Variants in CCNYL1 observed in about 807,000 individuals in gnomAD.
CCNYL1 encodes cyclin-Y-like protein 1.
Under a neutral mutation model 44.2 loss-of-function variants are expected in CCNYL1, and 16 were observed. That is an observed-to-expected ratio of 0.36 (90% CI 0.25 to 0.55). The LOEUF (loss-of-function observed/expected upper bound fraction) is 0.55, where lower values mean the gene tolerates loss of function less well. Among genes scored for constraint, CCNYL1 ranks in the 20% least tolerant of loss-of-function variants. The pLI is 0.85. For missense variants in CCNYL1, 348 were observed against 451.8 expected (o/e 0.77, Z 2.08); for synonymous variants, 159 against 163.2 (o/e 0.97, Z 0.20).
chr2:207,756,124 T>C lies in CCNYL1; in HGVS notation c.*2426T>C, dbSNP rs2091930030. The C allele has an allele frequency of 6.6e-6, 1 of 152,144 alleles. No homozygotes were observed. Among genetic ancestry groups the C allele is most frequent in the African/African-American group, 2.4e-5 (1 of 41,388 alleles). 9.4% of individuals were successfully genotyped at this position (152,144 alleles called of 1,614,324 possible). ...AAAGAATGCTACAATTTATGTGGTT[T>C]TTATTTCTCATGTTTATATTAAAAG... is the stretch of plus-strand genomic sequence containing the variant. On this transcript the variant is annotated 3_prime_UTR_variant, in exon 10 of 10. Coordinates refer to ENST00000295414, the MANE Select transcript of CCNYL1 (RefSeq NM_001330218.2).
In CCNYL1 at chr2:207,711,867, GGCGGTGGCAGAGAGGA is replaced by G; in HGVS notation, c.-25_-10del. On this transcript the variant is annotated 5_prime_UTR_variant, in exon 1 of 10. Transcript: ENST00000295414. ...GGCGGCGGAGTAGGGGGCGAGCGAA[GGCGGTGGCAGAGAGGA>G]GCGGAGGCTTCCCATGGGGAACACG... 5 of 1,346,934 alleles carry G rather than the reference GGCGGTGGCAGAGAGGA, an allele frequency of 3.7e-6. No individual in the cohort carries two copies. The highest frequency in any genetic ancestry group is 4.8e-6 in the Non-Finnish European group (5 of 1,040,250). 83.4% of individuals were successfully genotyped at this position (1,346,934 alleles called of 1,614,324 possible). A position where few individuals can be genotyped will look rare whatever the true frequency, so the allele number is the denominator to read the frequency against.
intron 4 of CCNYL1, among the ~76,000 whole-genome samples, chr2:207,734,427 C>T (rs143002416): frequency 9.1e-4 from 138 of 152,348 alleles, no homozygotes; most frequent in African/African-American, 3.1e-3. Flanking sequence ...GCTTTGCAAA[C>T]TACTCTTGGA....
Position 207,733,992 on chromosome 2 carries a change from A to G in CCNYL1, c.376A>G (p.Ile126Val), listed in dbSNP as rs371230375. 8 of 1,613,830 alleles carry G rather than the reference A, an allele frequency of 5.0e-6. No individual in the cohort carries two copies. The highest frequency in any genetic ancestry group is 5.9e-6 in the Non-Finnish European group (7 of 1,179,790). ...LTKKYSSCST[I>V]FLDDSTVSQP... ...TAAAAAGTATAGCTCATGCTCAACAATATTTCTAGATGACAGCACAGTCAG... is the reference window on the plus strand; with the variant it reads ...TAAAAAGTATAGCTCATGCTCAACAGTATTTCTAGATGACAGCACAGTCAG... The change falls in exon 4 of 10, where the codon ATA (isoleucine) becomes GTA (valine). Residue 126 changes from isoleucine to valine, a missense_variant. Physicochemically the swap from Ile to Val is conservative, Grantham distance 29 (BLOSUM62 3). This residue lies in a region of CCNYL1 where 209 missense variants were observed against 247.7 expected (regional missense o/e 0.84). Transcript: ENST00000295414.
intron 1 of CCNYL1, among the ~76,000 whole-genome samples, chr2:207,722,433 A>G (rs2091647433): frequency 1.3e-5 from 2 of 152,062 alleles, no homozygotes; most frequent in Non-Finnish European, 2.9e-5. Flanking sequence ...ATTTAAATAC[A>G]TAGTAGCACA....
Position 207,753,694 on chromosome 2 carries a change from C to G in CCNYL1, c.1076C>G (p.Ser359Cys). 6.2e-7 allele frequency: 1 copy of G among 1,600,914 alleles called. No individual in the cohort carries two copies. The highest frequency in any genetic ancestry group is 8.6e-7 in the Non-Finnish European group (1 of 1,169,320). The change falls in exon 10 of 10, where the codon TCT (serine) becomes TGT (cysteine). Residue 359 changes from serine to cysteine, a missense_variant. Around this residue, in one of 3 missense-constraint regions of CCNYL1, gnomAD observed 94 missense variants for 102.4 expected, o/e 0.92. Coordinates refer to ENST00000295414, the MANE Select transcript of CCNYL1 (RefSeq NM_001330218.2). ...ATTCAGCGCTCTAAAGCCATCCTCT[C>G]TTAAAAGGAGAAATGAGGGGTTATA... ...IGIQRSKAIL[S>C] is the part of the protein sequence containing the mutation.
chr2:207,724,227 G>A (rs1260086708), intron 1 of CCNYL1, among the ~76,000 whole-genome samples: 6 of 152,180 alleles, frequency 3.9e-5, no homozygotes, highest in South Asian at 4.1e-4. Context: ...TTAGAACACA[G>A]AACTTCCATT....
rs1473316427 is a variant in CCNYL1, at chr2:207,755,834, T to C, written c.*2136T>C. On this transcript the variant is annotated 3_prime_UTR_variant, in exon 10 of 10. Transcript: ENST00000295414. ...AAGAAGAGGTTAGTGTTCTCAACTATGTGAAATCTGTTTCTCCTACTTTCT... is the reference window on the plus strand; with the variant it reads ...AAGAAGAGGTTAGTGTTCTCAACTACGTGAAATCTGTTTCTCCTACTTTCT... 6.6e-6 allele frequency: 1 copy of C among 152,224 alleles called. No homozygotes were observed. Among genetic ancestry groups the C allele is most frequent in the Non-Finnish European group, 1.5e-5 (1 of 68,032 alleles). 9.4% of individuals were successfully genotyped at this position (152,224 alleles called of 1,614,324 possible).
intron 3 of CCNYL1, among the ~76,000 whole-genome samples, chr2:207,728,892 G>A (rs2091700344): frequency 1.3e-5 from 2 of 151,994 alleles, no homozygotes; most frequent in Non-Finnish European, 2.9e-5. Context: ...CACCTCCCAA[G>A]TTCAAGCAAT....
At chr2:207,721,815 A>C (rs1422435215) in intron 1 of CCNYL1, among the ~76,000 whole-genome samples, 2 of 151,006 alleles carry the variant, frequency 1.3e-5, no homozygotes, top group African/African-American at 4.9e-5. Context: ...GCTCACTGCA[A>C]CCTCTGCCTC....
intron 8 of CCNYL1, among the ~76,000 whole-genome samples, chr2:207,749,953 T>C (rs1165649357): frequency 1.3e-5 from 2 of 152,224 alleles, no homozygotes; most frequent in Non-Finnish European, 2.9e-5. Flanking sequence ...TAACTCCTTA[T>C]AGGGATTACT....
chr2:207,737,793 G>A (rs921810919), intron 5 of CCNYL1, among the ~76,000 whole-genome samples: 2 of 152,020 alleles, frequency 1.3e-5, no homozygotes, highest in African/African-American at 4.8e-5. Context: ...CCTGTGTATT[G>A]TAGGATATTT....
At chr2:207,732,492 T>G (rs1257566705) in intron 3 of CCNYL1, among the ~76,000 whole-genome samples, 1 of 152,184 alleles carries the variant, frequency 6.6e-6, no homozygotes, top group Non-Finnish European at 1.5e-5. Flanking sequence ...ACCTTCTCCC[T>G]GCCCTGTCTT....
chr2:207,726,376 G>A (rs1477668534), intron 2 of CCNYL1, among the ~76,000 whole-genome samples: 1 of 152,220 alleles, frequency 6.6e-6, no homozygotes, highest in African/African-American at 2.4e-5. Flanking sequence ...TGACCAGTAA[G>A]TGGTTCAGGA....
chr2:207,735,297 T>C (rs979312833), intron 4 of CCNYL1, among the ~76,000 whole-genome samples: 5 of 152,230 alleles, frequency 3.3e-5, no homozygotes, highest in African/African-American at 1.2e-4. Flanking sequence ...GAAAAATGTT[T>C]ATCATGGCTT....
chr2:207,720,890 A>G (rs2091635447), intron 1 of CCNYL1, among the ~76,000 whole-genome samples: 1 of 152,198 alleles, frequency 6.6e-6, no homozygotes, highest in Non-Finnish European at 1.5e-5. Flanking sequence ...AAGGAGGTAG[A>G]GCAGTGTTTC....
At chr2:207,747,388 CAAAA>C (rs375555912) in intron 8 of CCNYL1, among the ~76,000 whole-genome samples, 175 bp downstream of exon 8, 3 of 133,790 alleles carry the variant, frequency 2.2e-5, no homozygotes, top group Admixed American at 1.5e-4. Context: ...AAGACTGTCT[CAAAA>C]AAAAAAAAAC....
intron 1 of CCNYL1, among the ~76,000 whole-genome samples, chr2:207,720,128 C>T (rs2091629021): frequency 7.6e-6 from 1 of 131,384 alleles, no homozygotes; most frequent in Non-Finnish European, 1.5e-5. Context: ...GCAGAGGTTG[C>T]AGTGAGCCGA....
At chr2:207,739,862 C>T (rs572262779) in intron 5 of CCNYL1, among the ~76,000 whole-genome samples, 1 of 152,292 alleles carries the variant, frequency 6.6e-6, no homozygotes, top group African/African-American at 2.4e-5. Flanking sequence ...TGCTGAGAAG[C>T]CAGCAGTTTG....
At chr2:207,749,230 A>G (rs1252033875) in intron 8 of CCNYL1, among the ~76,000 whole-genome samples, 1 of 152,196 alleles carries the variant, frequency 6.6e-6, no homozygotes, top group Non-Finnish European at 1.5e-5. Context: ...GCTTTTGTTT[A>G]TGATCTTTGG....
Sources: allele counts gnomAD v4.1 joint callset (sites outside exome capture counted in the v4.1 genomes callset), GRCh38; gene constraint gnomAD v4.1.1; regional missense constraint gnomAD v4.1.1; transcripts MANE v1.5; gene names NCBI Gene and HGNC (gene_info 2026-07-23, HGNC 2026-07-21).